The following TRMT11 variants were observed in gnomAD, a reference collection of about 807,000 sequenced individuals.
TRMT11 encodes tRNA (guanine(10)-N(2))-methyltransferase TRMT11.
In TRMT11, 53 loss-of-function variants were observed where a neutral mutation model predicts 62.8. That is an observed-to-expected ratio of 0.84 (90% CI 0.68 to 1.06). The LOEUF is 1.06. Among genes scored for constraint, TRMT11 ranks in the 50% least tolerant of loss-of-function variants. The pLI, the probability that TRMT11 is intolerant of heterozygous loss-of-function variation, is 0.00. For synonymous variants in TRMT11, 188 were observed against 190.3 expected, an observed-to-expected ratio of 0.99 and a Z score of 0.10; for missense variants, 556 against 553.4, an observed-to-expected ratio of 1.00 and a Z score of -0.05.
chr6:126,240,858 C>G, the TRMT11 span, among the ~76,000 whole-genome samples: 1 of 152,350 alleles, frequency 6.6e-6, no homozygotes, highest in East Asian at 1.9e-4. Flanking sequence ...GGGCTCCACC[C>G]AGTTTGAGCT....
At chr6:126,213,785 T>C in the TRMT11 span, among the ~76,000 whole-genome samples, 2 of 152,048 alleles carry the variant, frequency 1.3e-5, no homozygotes, top group Non-Finnish European at 2.9e-5. Context: ...CAGTACTATA[T>C]TGAGAAACAG....
intron 11 of TRMT11, among the ~76,000 whole-genome samples, chr6:126,016,238 T>C (rs1274820155): frequency 6.6e-6 from 1 of 152,226 alleles, no homozygotes; most frequent in Non-Finnish European, 1.5e-5. Flanking sequence ...CCCCATTTAC[T>C]TCATTAATTT....
At chr6:126,006,030 G>C (rs1195751856) in intron 7 of TRMT11, among the ~76,000 whole-genome samples, 1 of 151,998 alleles carries the variant, frequency 6.6e-6, no homozygotes, top group East Asian at 1.9e-4. Context: ...TGACTGTCCT[G>C]GTTCTGGGAA....
chr6:126,159,197 G>A (rs73579854), intron 21 of TRMT11, among the ~76,000 whole-genome samples: 462 of 152,164 alleles, frequency 3.0e-3, no homozygotes, highest in African/African-American at 9.9e-3. Context: ...CAAGTGATAT[G>A]TGCCACTTTG....
chr6:126,176,164 G>A (rs1778382477), upstream of TRMT11, among the ~76,000 whole-genome samples: 1 of 152,188 alleles, frequency 6.6e-6, no homozygotes. Flanking sequence ...AAGTCAAAAT[G>A]ATGAAGTTTG....
At chr6:126,239,290 T>G in the TRMT11 span, among the ~76,000 whole-genome samples, 4 of 152,198 alleles carry the variant, frequency 2.6e-5, no homozygotes, top group African/African-American at 9.7e-5. Flanking sequence ...TTGATGCAGT[T>G]TCTTCCTAGC....
chr6:126,172,963 G>A (rs754155808), upstream of TRMT11, among the ~76,000 whole-genome samples: 1 of 152,102 alleles, frequency 6.6e-6, no homozygotes, highest in Admixed American at 6.5e-5. Context: ...GGTGAACCGG[G>A]GTGTAAGAAG....
chr6:126,046,223 C>T (rs1562304755), intron 16 of TRMT11, among the ~76,000 whole-genome samples: 1 of 152,040 alleles, frequency 6.6e-6, no homozygotes, highest in Non-Finnish European at 1.5e-5. Flanking sequence ...TTAAGATGAA[C>T]TCCTAAAAAA....
rs1554236842 is a variant in TRMT11, at chr6:126,093,631, A to ATATATATATT, written c.*1438-19234_*1438-19233insATATATATTT. On this transcript the variant is annotated intron_variant and NMD_transcript_variant, in intron 17 of 22. Coordinates refer to the TRMT11 transcript ENST00000648977. ...TATATATATATATATATATATATAT[A>ATATATATATT]TTTTCCCCCAGTCCTGGAGGATCAA... 1.2e-4 allele frequency among the ~76,000 whole-genome samples: 12 copies of ATATATATATT among 98,012 alleles called. No individual in the cohort carries two copies. The East Asian group carries it at 2.4e-3, about 20-fold the overall frequency. 64.3% of individuals were successfully genotyped at this position (98,012 alleles called of 152,430 possible).
At chr6:126,195,427 T>A (rs956692167) in intron 1 of TRMT11, among the ~76,000 whole-genome samples, 2 of 152,242 alleles carry the variant, frequency 1.3e-5, no homozygotes, top group Non-Finnish European at 2.9e-5. Context: ...GGCAGTTTTT[T>A]AATCATCTTG....
chr6:126,224,732 TGAAAG>T, the TRMT11 span, among the ~76,000 whole-genome samples: 104 of 152,264 alleles, frequency 6.8e-4, no homozygotes, highest in Non-Finnish European at 1.0e-3. Flanking sequence ...GTGCTGGCAG[TGAAAG>T]AATGACAGGT....
the TRMT11 span, among the ~76,000 whole-genome samples, chr6:126,243,893 T>C: frequency 3.3e-5 from 5 of 151,980 alleles, no homozygotes; most frequent in Non-Finnish European, 7.4e-5. Context: ...GTAACAAACC[T>C]GCACGTTGTG....
At chr6:126,022,840 T>C (rs1391101962) in intron 12 of TRMT11, among the ~76,000 whole-genome samples, 1 of 152,212 alleles carries the variant, frequency 6.6e-6, no homozygotes, top group Non-Finnish European at 1.5e-5. Flanking sequence ...TAGGTATATG[T>C]GGTGTAATTA....
exon 1 of TRMT11, chr6:126,177,225 T>G (rs1405932860): frequency 6.6e-6 from 1 of 152,202 alleles, no homozygotes; most frequent in Non-Finnish European, 1.5e-5. Flanking sequence ...CTTGGGTTAA[T>G]TCCTCTTGGA....
chr6:125,997,283 CTG>C (rs1336771525), intron 3 of TRMT11, among the ~76,000 whole-genome samples: 71 of 152,270 alleles, frequency 4.7e-4, no homozygotes, highest in African/African-American at 1.6e-3. Flanking sequence ...TACAATTTAA[CTG>C]TATCAGAATG....
rs570747233 is a variant in TRMT11, at chr6:126,002,447, A to G, written c.679+2834A>G. 2.0e-5 allele frequency among the ~76,000 whole-genome samples: 3 copies of G among 152,170 alleles called. No individual in the cohort carries two copies. In the South Asian group the frequency reaches 6.2e-4, roughly 32 times the overall value. ...CTCTTTTCCTCATTCCTATATCTGA[A>G]ATGGTTTCACAGTTGTTTTGCTTAT... On this transcript the variant is annotated intron_variant, in intron 7 of 12. Coordinates refer to ENST00000334379, the MANE Select transcript of TRMT11 (RefSeq NM_001031712.3).
At position 126,099,564 on chromosome 6, in the gene TRMT11, C is replaced by T. The variant is rs145422168; in HGVS notation, c.*1438-13302C>T. On this transcript the variant is annotated intron_variant and NMD_transcript_variant, in intron 17 of 22. Transcript: ENST00000648977. ...GAGTGCAAGCCCAGCCTGGCCAATG[C>T]GGTGAAATCCCATCTCTACTAAAAA... 8.5e-5 allele frequency among the ~76,000 whole-genome samples: 13 copies of T among 152,210 alleles called. No individual in the cohort carries two copies. The East Asian group carries it at 1.5e-3, about 18-fold the overall frequency.
intron 1 of TRMT11, among the ~76,000 whole-genome samples, chr6:126,179,237 C>G (rs1050724412): frequency 3.9e-5 from 6 of 152,152 alleles, no homozygotes; most frequent in Admixed American, 3.3e-4. Flanking sequence ...AAGTGAATTA[C>G]TGCTTATCTA....
chr6:126,193,039 C>T (rs530173110), intron 1 of TRMT11, among the ~76,000 whole-genome samples: 1 of 152,222 alleles, frequency 6.6e-6, no homozygotes, highest in East Asian at 1.9e-4. Context: ...TGGTAAAATT[C>T]AGCAGTGAAT....
Sources: gnomAD v4.1 joint callset for allele counts (sites outside exome capture counted in the v4.1 genomes callset) on GRCh38, gnomAD v4.1.1 for gene constraint, MANE v1.5 for transcripts, NCBI Gene and HGNC (gene_info 2026-07-23, HGNC 2026-07-21) for gene names.